Variants in PTPRD observed in about 807,000 individuals in gnomAD.
The protein encoded by PTPRD is receptor-type tyrosine-protein phosphatase delta.
Under a neutral mutation model 214.5 loss-of-function variants are expected in PTPRD, and 34 were observed. That is an observed-to-expected ratio of 0.16 (90% confidence interval 0.12 to 0.21). The LOEUF is 0.21. PTPRD is among the 10% of genes least tolerant of loss of function. The probability of loss-of-function intolerance (pLI) is 1.00; values close to 1 mark genes in which losing one functional copy is unlikely to be tolerated. For synonymous variants in PTPRD, 1,128 were observed against 845.7 expected (o/e 1.33, Z -5.79); for missense variants, 2,545 against 2,398.7 (o/e 1.06, Z -1.27).
At chr9:8,382,705 T>G (rs1589157584) in intron 37 of PTPRD, among the ~76,000 whole-genome samples, 1 of 152,330 alleles carries the variant, frequency 6.6e-6, no homozygotes, top group East Asian at 1.9e-4. Context: ...TCATTCTTTT[T>G]GTTGCCAGCG....
intron 11 of PTPRD, among the ~76,000 whole-genome samples, chr9:8,743,784 C>T (rs1391930097): frequency 1.5e-5 from 2 of 131,852 alleles, no homozygotes; most frequent in Admixed American, 8.5e-5. Context: ...AGCTTCTGCA[C>T]AGCAAAAAAT....
At chr9:10,606,318 T>TC (rs2079333442) in intron 2 of PTPRD, among the ~76,000 whole-genome samples, 1 of 151,826 alleles carries the variant, frequency 6.6e-6, no homozygotes. Flanking sequence ...AATGAGTCAC[T>TC]CCTTCTACCA....
chr9:9,459,060 A>G (rs1421775386), intron 8 of PTPRD, among the ~76,000 whole-genome samples: 2 of 152,106 alleles, frequency 1.3e-5, no homozygotes, highest in African/African-American at 2.4e-5. Flanking sequence ...CACGTGAAGA[A>G]GCTGGGGTGT....
At chr9:9,674,180 A>C (rs2096885107) in intron 7 of PTPRD, among the ~76,000 whole-genome samples, 1 of 151,848 alleles carries the variant, frequency 6.6e-6, no homozygotes, top group Non-Finnish European at 1.5e-5. Context: ...CTAAAATATA[A>C]ACAAAAGTAG....
chr9:8,616,881 G>C (rs1228109979), intron 14 of PTPRD, among the ~76,000 whole-genome samples: 1 of 152,100 alleles, frequency 6.6e-6, no homozygotes, highest in Non-Finnish European at 1.5e-5. Context: ...CTCCATGAGA[G>C]GCTAAGCTGA....
At chr9:8,497,343 T>C (rs2097299189) in intron 25 of PTPRD, 75 bp from the exon 26 acceptor site, 5 of 1,247,796 alleles carry the variant, frequency 4.0e-6, no homozygotes, top group Non-Finnish European at 5.5e-6. Context: ...ACAGGCAGTG[T>C]TGCCCTTGTT....
At chr9:9,264,414 G>T (rs1264608324) in intron 9 of PTPRD, among the ~76,000 whole-genome samples, 1 of 151,442 alleles carries the variant, frequency 6.6e-6, no homozygotes, top group Non-Finnish European at 1.5e-5. Flanking sequence ...GAGTGTCAAA[G>T]GCATACTTAA....
intron 22 of PTPRD, among the ~76,000 whole-genome samples, chr9:8,506,205 A>T (rs550803459): frequency 6.6e-6 from 1 of 152,196 alleles, no homozygotes; most frequent in Admixed American, 6.6e-5. Flanking sequence ...TTTTTAAAAG[A>T]TATTCTTTAT....
intron 9 of PTPRD, among the ~76,000 whole-genome samples, chr9:9,314,985 T>C (rs187506578): frequency 1.6e-3 from 244 of 152,134 alleles, no homozygotes; most frequent in African/African-American, 5.6e-3. Context: ...CATTCCAGCT[T>C]CTTATACAAT....
chr9:9,459,867 A>G (rs1281036892), intron 8 of PTPRD, among the ~76,000 whole-genome samples: 1 of 152,142 alleles, frequency 6.6e-6, no homozygotes, highest in Non-Finnish European at 1.5e-5. Flanking sequence ...ATGGAACCCA[A>G]AAAGAGCCCA....
chr9:9,786,533 T>C (rs1489114842), intron 5 of PTPRD, among the ~76,000 whole-genome samples: 3 of 152,186 alleles, frequency 2.0e-5, no homozygotes, highest in Non-Finnish European at 4.4e-5. Flanking sequence ...AACAGAATGT[T>C]ATAGGCACAG....
intron 2 of PTPRD, among the ~76,000 whole-genome samples, chr9:10,344,954 A>C (rs1466335474): frequency 6.6e-6 from 1 of 152,110 alleles, no homozygotes; most frequent in Non-Finnish European, 1.5e-5. Flanking sequence ...TGCTATTATA[A>C]ATCTAAAATC....
chr9:9,241,015 TA>T (rs1400823677), intron 9 of PTPRD, among the ~76,000 whole-genome samples: 1 of 152,168 alleles, frequency 6.6e-6, no homozygotes, highest in Non-Finnish European at 1.5e-5. Flanking sequence ...TTTAAGATTA[TA>T]CCATTGGACT....
intron 7 of PTPRD, among the ~76,000 whole-genome samples, chr9:9,697,207 A>G (rs1215197353): frequency 6.6e-6 from 1 of 152,076 alleles, no homozygotes; most frequent in Non-Finnish European, 1.5e-5. Flanking sequence ...TTATAAGTGG[A>G]TTGCAAATCA....
intron 2 of PTPRD, among the ~76,000 whole-genome samples, chr9:10,439,488 T>C (rs920752437): frequency 6.6e-6 from 1 of 151,784 alleles, no homozygotes; most frequent in African/African-American, 2.4e-5. Context: ...TGGACATTTA[T>C]TTACAAGGTA....
At chr9:9,215,753 G>A (rs1169031694) in intron 9 of PTPRD, among the ~76,000 whole-genome samples, 2 of 152,118 alleles carry the variant, frequency 1.3e-5, no homozygotes, top group East Asian at 1.9e-4. Context: ...TCATTCCATC[G>A]TACATTGATT....
chr9:10,007,280 C>T (rs2096499481), intron 4 of PTPRD, among the ~76,000 whole-genome samples: 1 of 151,670 alleles, frequency 6.6e-6, no homozygotes, highest in Admixed American at 6.6e-5. Flanking sequence ...AAAAATAGAT[C>T]AGAGGAAAAA....
chr9:9,723,650 T>A (rs2098013673), intron 7 of PTPRD, among the ~76,000 whole-genome samples: 1 of 152,062 alleles, frequency 6.6e-6, no homozygotes, highest in South Asian at 2.1e-4. Context: ...AGTCTTCCAA[T>A]CCATGAATAT....
At chr9:8,769,487 C>G (rs944831505) in intron 11 of PTPRD, among the ~76,000 whole-genome samples, 2 of 152,114 alleles carry the variant, frequency 1.3e-5, no homozygotes, top group Non-Finnish European at 2.9e-5. Context: ...AGGCAGTAGA[C>G]AACAAAGGCA....
Sources: allele counts gnomAD v4.1 joint callset (sites outside exome capture counted in the v4.1 genomes callset), GRCh38; gene constraint gnomAD v4.1.1; transcripts MANE v1.5; gene names NCBI Gene and HGNC (gene_info 2026-07-23, HGNC 2026-07-21).